CAMK4: variants seen among roughly 807,000 people sequenced by gnomAD.
CAMK4 encodes calcium/calmodulin-dependent protein kinase type IV.
Under a neutral mutation model 44.9 loss-of-function variants are expected in CAMK4, and 22 were observed. The ratio of observed to expected loss-of-function variants is 0.49; its 90% confidence interval spans 0.35 to 0.70. The LOEUF (loss-of-function observed/expected upper bound fraction) is 0.70. CAMK4 is among the 30% of genes least tolerant of loss of function. The probability of loss-of-function intolerance (pLI) is 0.01; values close to 1 mark genes in which losing one functional copy is unlikely to be tolerated. For synonymous variants in CAMK4, 218 were observed against 215.4 expected (o/e 1.01, Z -0.11); for missense variants, 498 against 586.8 (o/e 0.85, Z 1.56).
At chr5:111,298,608 G>A (rs10900670) in intron 1 of CAMK4, among the ~76,000 whole-genome samples, 7,967 of 152,188 alleles carry the variant, frequency 0.052, 520 homozygotes, top group East Asian at 0.23. Context: ...GTGCAGGTGC[G>A]ACTAGCCCCT....
intron 7 of CAMK4, among the ~76,000 whole-genome samples, chr5:111,452,979 A>T (rs975304815): frequency 3.9e-5 from 6 of 152,228 alleles, no homozygotes; most frequent in African/African-American, 1.4e-4. Context: ...TTTTGGCTCT[A>T]AAGTGCTAAA....
intron 2 of CAMK4, among the ~76,000 whole-genome samples, chr5:111,360,610 C>T (rs1449542847): frequency 2.0e-5 from 3 of 152,068 alleles, no homozygotes; most frequent in Non-Finnish European, 4.4e-5. Context: ...CCAATTAACT[C>T]TTACAAGCTT....
intron 1 of CAMK4, among the ~76,000 whole-genome samples, chr5:111,296,250 A>AGCTTCCGTTTAGGAAATATATGGAAATAT (rs1468218653): frequency 2.0e-4 from 31 of 152,354 alleles, no homozygotes; most frequent in African/African-American, 7.2e-4. Flanking sequence ...TAAGAAGTTA[A>AGCTTCCGTTTAGGAAATATATGGAAATAT]GCTTCCGTTT....
intron 2 of CAMK4, among the ~76,000 whole-genome samples, chr5:111,373,260 A>G (rs769863164): frequency 3.9e-5 from 6 of 152,248 alleles, no homozygotes; most frequent in Middle Eastern, 6.8e-3. Flanking sequence ...CGGGTGAAAT[A>G]AACTCTGGAG....
At chr5:111,322,396 G>A (rs1318617045) in intron 1 of CAMK4, among the ~76,000 whole-genome samples, 2 of 151,910 alleles carry the variant, frequency 1.3e-5, no homozygotes, top group Non-Finnish European at 2.9e-5. Context: ...CACGTCCTAG[G>A]GCAAGGACCA....
chr5:111,340,638 A>G (rs1580618288), intron 1 of CAMK4, among the ~76,000 whole-genome samples: 1 of 151,136 alleles, frequency 6.6e-6, no homozygotes, highest in Non-Finnish European at 1.5e-5. Context: ...GGATTTTTGT[A>G]TCTGTGTTCA....
intron 1 of CAMK4, among the ~76,000 whole-genome samples, chr5:111,244,263 G>A (rs916161567): frequency 6.6e-6 from 1 of 152,064 alleles, no homozygotes; most frequent in Admixed American, 6.6e-5. Context: ...TGTATGTTTT[G>A]CTTACTATTT....
Position 111,400,118 on chromosome 5 carries a change from A to G in CAMK4, c.459+5336A>G, listed in dbSNP as rs550253476. Reference sequence around the variant, plus strand: ...ATAGCTAATCCTACATTTAAAAAGAAATTGTTGAGGGTTTGTTTTTTTTTG... The same window carrying G: ...ATAGCTAATCCTACATTTAAAAAGAGATTGTTGAGGGTTTGTTTTTTTTTG... On this transcript the variant is annotated intron_variant, in intron 5 of 10. Transcript: ENST00000282356. 3.1e-5 allele frequency among the ~76,000 whole-genome samples: 4 copies of G among 129,012 alleles called. No homozygotes were observed. The South Asian group carries it at 9.9e-4, about 32-fold the overall frequency. The allele number at this position is 129,012 out of a possible 152,430, so 84.6% of individuals were successfully genotyped here.
intron 5 of CAMK4, among the ~76,000 whole-genome samples, chr5:111,430,099 C>T (rs905895910): frequency 6.6e-6 from 1 of 152,024 alleles, no homozygotes; most frequent in Non-Finnish European, 1.5e-5. Flanking sequence ...TTCAACAATA[C>T]ATTAGGAAGG....
At chr5:111,332,959 T>C (rs1749235188) in intron 1 of CAMK4, among the ~76,000 whole-genome samples, 1 of 151,010 alleles carries the variant, frequency 6.6e-6, no homozygotes. Flanking sequence ...TGGCAGCAAT[T>C]AACAGGACTT....
chr5:111,464,552 A>G (rs1250866336), intron 7 of CAMK4, among the ~76,000 whole-genome samples: 1 of 152,192 alleles, frequency 6.6e-6, no homozygotes, highest in African/African-American at 2.4e-5. Flanking sequence ...ATCTAAAGTC[A>G]AGACAGAGGA....
chr5:111,425,033 A>G (rs906027288), intron 5 of CAMK4, among the ~76,000 whole-genome samples: 1 of 151,952 alleles, frequency 6.6e-6, no homozygotes, highest in Non-Finnish European at 1.5e-5. Context: ...GCATGGTGGC[A>G]TGCACTTGTA....
chr5:111,298,904 T>C (rs371606071), intron 1 of CAMK4, among the ~76,000 whole-genome samples: 1 of 152,224 alleles, frequency 6.6e-6, no homozygotes, highest in East Asian at 1.9e-4. Context: ...GGGGATCTAA[T>C]GAGAGATTAA....
rs1211853707 is a variant in CAMK4, at chr5:111,488,063, A to G, written c.*3597A>G. On this transcript the variant is annotated 3_prime_UTR_variant, in exon 11 of 11. Coordinates refer to ENST00000282356, the MANE Select transcript of CAMK4 (RefSeq NM_001744.6). ...TCTCCTGAGTACTGCCATGATGCCA[A>G]TAGCATTCTTGCTTACCAAAATCTA... 6.6e-6 allele frequency: 1 copy of G among 152,204 alleles called. No homozygotes were observed. The highest frequency in any genetic ancestry group is 1.5e-5 in the Non-Finnish European group (1 of 68,038). 9.4% of individuals were successfully genotyped at this position (152,204 alleles called of 1,614,324 possible).
chr5:111,303,670 G>A (rs201859366), intron 1 of CAMK4, among the ~76,000 whole-genome samples: 2 of 139,626 alleles, frequency 1.4e-5, no homozygotes, highest in South Asian at 2.3e-4. Context: ...GAAAACACTC[G>A]GCAGGATATT....
chr5:111,271,479 T>C (rs971793137), intron 1 of CAMK4, among the ~76,000 whole-genome samples: 2 of 152,112 alleles, frequency 1.3e-5, no homozygotes, highest in African/African-American at 2.4e-5. Flanking sequence ...CACACCTACA[T>C]TTTCACCATG....
rs78695439 is a variant in CAMK4, at chr5:111,319,467, T to C, written c.162-24557T>C. 2.8e-3 allele frequency among the ~76,000 whole-genome samples: 423 copies of C among 152,338 alleles called. 3 individuals are homozygous for C. The highest frequency in any genetic ancestry group is 9.9e-3 in the African/African-American group (412 of 41,596). On this transcript the variant is annotated intron_variant, in intron 1 of 10. Transcript: ENST00000282356. ...GCCTTTTTTGTTGGGTTGTTGTGAT[T>C]ATTATATCAGATTTCTCCAATCTGT... is the stretch of plus-strand genomic sequence containing the variant.
At chr5:111,437,467 C>A (rs1753686839) in intron 5 of CAMK4, among the ~76,000 whole-genome samples, 1 of 152,130 alleles carries the variant, frequency 6.6e-6, no homozygotes, top group Non-Finnish European at 1.5e-5. Flanking sequence ...TCTGGGGATT[C>A]TTTGTCTCTA....
intron 5 of CAMK4, among the ~76,000 whole-genome samples, chr5:111,405,936 G>A (rs1320118078): frequency 6.6e-6 from 1 of 152,182 alleles, no homozygotes; most frequent in Non-Finnish European, 1.5e-5. Context: ...ATCTATGAGT[G>A]TTACATATAT....
Sources: allele counts gnomAD v4.1 joint callset (sites outside exome capture counted in the v4.1 genomes callset), GRCh38; gene constraint gnomAD v4.1.1; transcripts MANE v1.5; gene names NCBI Gene and HGNC (gene_info 2026-07-23, HGNC 2026-07-21).